PITPNM2: variants seen among roughly 807,000 people sequenced by gnomAD.
The protein encoded by PITPNM2 is membrane-associated phosphatidylinositol transfer protein 2.
A neutral mutation model predicts 132.2 loss-of-function variants in PITPNM2; 35 were observed. The ratio of observed to expected loss-of-function variants is 0.26; its 90% confidence interval spans 0.20 to 0.35. The LOEUF is 0.35. Among genes scored for constraint, PITPNM2 ranks in the 10% least tolerant of loss-of-function variants. PITPNM2 has a pLI of 1.00. For missense variants in PITPNM2, 1,332 were observed against 1,912.0 expected (o/e 0.70, Z 5.66); for synonymous variants, 738 against 799.2 (o/e 0.92, Z 1.29).
chr12:123,018,587 A>ACCGTGCCTGG (rs2039539463), intron 3 of PITPNM2, among the ~76,000 whole-genome samples: 1 of 151,752 alleles, frequency 6.6e-6, no homozygotes, highest in Admixed American at 6.6e-5. Context: ...GGCATGAGCC[A>ACCGTGCCTGG]CTACGCCCAG....
intron 1 of PITPNM2, among the ~76,000 whole-genome samples, chr12:123,113,718 C>CT (rs1555298407): frequency 4.6e-5 from 7 of 151,858 alleles, no homozygotes; most frequent in Admixed American, 2.6e-4. Flanking sequence ...CAAACCCCCC[C>CT]ACCCTTTCAA....
rs945547434 is a variant in PITPNM2, at chr12:123,111,326, T to C, written c.-199-838A>G. ...ATGACCATGACAGAGAGGCTGCTTA[T>C]CTGCTGGCTATGGAAGCTGGGAGTG... On this transcript the variant is annotated intron_variant, in intron 1 of 25. Coordinates refer to ENST00000320201, the MANE Select transcript of PITPNM2 (RefSeq NM_020845.3). The surrounding 1 kb of genome is among the most constrained non-coding windows in gnomAD (Gnocchi z 4.1). Among the ~76,000 whole-genome samples the C allele has an allele frequency of 5.3e-5, 8 of 152,206 alleles. No individual in the cohort carries two copies. Among genetic ancestry groups the C allele is most frequent in the African/African-American group, 1.9e-4 (8 of 41,460 alleles).
In PITPNM2 at chr12:122,990,631, C is replaced by T. The variant is rs200387641; in HGVS notation, c.2483G>A (p.Arg828His). The T allele has an allele frequency of 2.0e-5, 33 of 1,612,304 alleles. No individual in the cohort carries two copies. Among genetic ancestry groups the T allele is most frequent in the South Asian group, 5.5e-5 (5 of 91,080 alleles). ...GATCTCACTGGCTCGGCGGAAGCCA[C>T]GACTGGCAGGGGCAGTGCCCGGCGA... is the stretch of plus-strand genomic sequence containing the variant. Reference protein sequence around the residue: ...PSSPGTAPASRGFRRASEISI... With the variant: ...PSSPGTAPASHGFRRASEISI... The change falls in exon 17 of 26, where the codon CGT becomes CAT. Residue 828 changes from arginine to histidine, a missense_variant. Arg to His is a conservative substitution (Grantham distance 29). This residue lies in a region of PITPNM2 where 710 missense variants were observed against 911.5 expected (regional missense o/e 0.78). Coordinates refer to ENST00000320201, the MANE Select transcript of PITPNM2 (RefSeq NM_020845.3).
intron 2 of PITPNM2, among the ~76,000 whole-genome samples, chr12:123,096,690 C>A (rs1350964633): frequency 6.6e-6 from 1 of 152,198 alleles, no homozygotes; most frequent in Non-Finnish European, 1.5e-5. Context: ...AGGGTCCCAA[C>A]ACCAGCCAGC....
intron 2 of PITPNM2, among the ~76,000 whole-genome samples, chr12:123,070,369 C>T (rs2041587153): frequency 1.3e-5 from 2 of 152,146 alleles, no homozygotes; most frequent in African/African-American, 2.4e-5. Flanking sequence ...TGAGCTGGAC[C>T]GTATCCAAGG....
At chr12:123,027,536 C>G (rs1360546708) in intron 3 of PITPNM2, among the ~76,000 whole-genome samples, 1 of 152,194 alleles carries the variant, frequency 6.6e-6, no homozygotes, top group Admixed American at 6.5e-5. Context: ...CTCTGAGCCT[C>G]GAGCTGTCAT....
At chr12:123,113,579 T>C (rs1054452857) in intron 1 of PITPNM2, among the ~76,000 whole-genome samples, 1 of 152,144 alleles carries the variant, frequency 6.6e-6, no homozygotes, top group Non-Finnish European at 1.5e-5. Context: ...CACATGCCTG[T>C]AATCCCAGCT....
chr12:123,063,535 G>C (rs957911252), intron 2 of PITPNM2, among the ~76,000 whole-genome samples: 1 of 152,150 alleles, frequency 6.6e-6, no homozygotes, highest in Admixed American at 6.5e-5. Context: ...GGCCCCTTCA[G>C]TCCCAGAAGC....
chr12:122,989,863 G>C lies in PITPNM2; in HGVS notation c.2655C>G (p.Gly885=). 1 of 1,089,934 alleles carries C rather than the reference G, an allele frequency of 9.2e-7. No homozygotes were observed. Among genetic ancestry groups the C allele is most frequent in the Non-Finnish European group, 1.2e-6 (1 of 809,880 alleles). The allele number at this position is 1,089,934 out of a possible 1,614,324, so 67.5% of individuals were successfully genotyped here. A position where few individuals can be genotyped will look rare whatever the true frequency, so the allele number is the denominator to read the frequency against. ...ALPAPSPTTP[G]PHPPARKASP... ...TTGCCTTCCTGGCTGGAGGGTGGGG[G>C]CCAGGGGTGGTGGGGCTGGGGGCGG... is the stretch of plus-strand genomic sequence containing the variant. Residue 885 remains glycine, a synonymous_variant, in exon 18 of 26, where the codon GGC becomes GGG. Coordinates refer to ENST00000320201, the MANE Select transcript of PITPNM2 (RefSeq NM_020845.3).
chr12:123,063,674 C>A (rs960917419), intron 2 of PITPNM2, among the ~76,000 whole-genome samples: 1 of 152,092 alleles, frequency 6.6e-6, no homozygotes, highest in Non-Finnish European at 1.5e-5. Context: ...GCAGCCCCCA[C>A]GAGACCAGGC....
chr12:123,137,748 C>T (rs1039898295), intron 1 of PITPNM2, among the ~76,000 whole-genome samples: 5 of 151,866 alleles, frequency 3.3e-5, no homozygotes, highest in Non-Finnish European at 7.4e-5. Context: ...CAAAAATTAG[C>T]GGGACGTGGT....
chr12:123,034,286 C>T (rs1443027595), intron 3 of PITPNM2: 1 of 518,670 alleles, frequency 1.9e-6, no homozygotes, highest in East Asian at 2.9e-5. Flanking sequence ...TTGTAGGCGG[C>T]GGGACACAGT....
rs764480835 is a variant in PITPNM2 at position 123,082,469 on chromosome 12, C to CA, written c.-96+27915dup. Among the ~76,000 whole-genome samples, 21 of 152,090 alleles carry CA rather than the reference C, an allele frequency of 1.4e-4. No individual in the cohort carries two copies. Among genetic ancestry groups the CA allele is most frequent in the Non-Finnish European group, 2.1e-4 (14 of 68,022 alleles). On this transcript the variant is annotated intron_variant, in intron 2 of 25. Coordinates refer to ENST00000320201, the MANE Select transcript of PITPNM2 (RefSeq NM_020845.3). This position sits in a 1 kb window ranked among gnomAD's most constrained non-coding sequence, Gnocchi z 5.4. ...TTTCTTTATTTTCATTTTTTTGAGA[C>CA]AGAGTCTTGCCCAGGCTGGAGTGCA...
At chr12:122,989,758 C>A in intron 18 of PITPNM2, 29 bp downstream of exon 18, 1 of 1,365,094 alleles carries the variant, frequency 7.3e-7, no homozygotes, top group Middle Eastern at 2.8e-4. Context: ...GAGTGACCCC[C>A]AGTGAGGGGA....
intron 2 of PITPNM2, among the ~76,000 whole-genome samples, chr12:123,048,245 T>C (rs1592972305): frequency 6.6e-6 from 1 of 152,184 alleles, no homozygotes; most frequent in Non-Finnish European, 1.5e-5. Context: ...GGATGAACTC[T>C]GAAGACATTA....
intron 25 of PITPNM2, 22 bp from the exon 26 acceptor site, chr12:122,986,372 C>A (rs769468756): frequency 2.9e-5 from 45 of 1,575,378 alleles, no homozygotes; most frequent in Non-Finnish European, 5.2e-6. Flanking sequence ...GTGAGGACGG[C>A]TGTCACAGGC....
At position 123,095,910 on chromosome 12, in the gene PITPNM2, C is replaced by T. The variant is rs1466736381; in HGVS notation, c.-96+14475G>A. On this transcript the variant is annotated intron_variant, in intron 2 of 25. Coordinates refer to ENST00000320201, the MANE Select transcript of PITPNM2 (RefSeq NM_020845.3). This position sits in a 1 kb window ranked among gnomAD's most constrained non-coding sequence, Gnocchi z 5.0. ...CCAGTGGCAGACCCCCCCAACCCCA[C>T]TTCCACAAGGCTTGGCACTATCGTA... 1.3e-5 allele frequency among the ~76,000 whole-genome samples: 2 copies of T among 152,260 alleles called. No individual in the cohort carries two copies. The highest frequency in any genetic ancestry group is 1.9e-4 in the East Asian group (1 of 5,194).
intron 1 of PITPNM2, among the ~76,000 whole-genome samples, chr12:123,148,604 G>A (rs992038674): frequency 6.6e-6 from 1 of 152,042 alleles, no homozygotes; most frequent in African/African-American, 2.4e-5. Context: ...ACGGAGGAAG[G>A]CAACGGGTCC....
At position 123,078,518 on chromosome 12, in the gene PITPNM2, G is replaced by A. The variant is rs891001795; in HGVS notation, c.-96+31867C>T. Among the ~76,000 whole-genome samples, 3 of 152,172 alleles carry A rather than the reference G, an allele frequency of 2.0e-5. No individual in the cohort carries two copies. The highest frequency in any genetic ancestry group is 2.1e-4 in the South Asian group (1 of 4,824). On this transcript the variant is annotated intron_variant, in intron 2 of 25. Coordinates refer to ENST00000320201, the MANE Select transcript of PITPNM2 (RefSeq NM_020845.3). This position sits in a 1 kb window ranked among gnomAD's most constrained non-coding sequence, Gnocchi z 7.3. ...CAGAGACTAAAGTGACCCTCTCCCCGGGCTTAGGTGATACCTTGTGTTAGG... is the reference window on the plus strand; with the variant it reads ...CAGAGACTAAAGTGACCCTCTCCCCAGGCTTAGGTGATACCTTGTGTTAGG...
Sources: allele counts gnomAD v4.1 joint callset (sites outside exome capture counted in the v4.1 genomes callset), GRCh38; gene constraint gnomAD v4.1.1; regional missense constraint gnomAD v4.1.1; non-coding constraint Gnocchi (gnomAD v3.1); transcripts MANE v1.5; gene names NCBI Gene and HGNC (gene_info 2026-07-23, HGNC 2026-07-21).